The following RNGTT variants were observed in gnomAD, a reference collection of about 807,000 sequenced individuals.
The protein encoded by RNGTT is mRNA-capping enzyme.
RNGTT carries 33 observed loss-of-function variants against 79.3 expected under a neutral mutation model. That is an observed-to-expected ratio of 0.42 (90% confidence interval 0.32 to 0.56). RNGTT has a LOEUF of 0.56. Among genes scored for constraint, RNGTT ranks in the 20% least tolerant of loss-of-function variants. RNGTT has a pLI of 0.17. For missense variants in RNGTT, 497 were observed against 739.1 expected, an observed-to-expected ratio of 0.67 and a Z score of 3.80; for synonymous variants, 222 against 235.9, an observed-to-expected ratio of 0.94 and a Z score of 0.54.
chr6:88,627,662 T>C (rs934069289), intron 14 of RNGTT, among the ~76,000 whole-genome samples: 2 of 152,126 alleles, frequency 1.3e-5, no homozygotes, highest in Admixed American at 6.6e-5. Flanking sequence ...GTTGAGGTTT[T>C]CTCCTTTTAA....
intron 8 of RNGTT, among the ~76,000 whole-genome samples, chr6:88,866,092 C>G (rs1208323541): frequency 1.3e-5 from 2 of 152,102 alleles, no homozygotes; most frequent in Non-Finnish European, 2.9e-5. Flanking sequence ...AGCAAATTAT[C>G]AAAGCATATC....
chr6:88,885,115 T>C (rs547116012), intron 8 of RNGTT, among the ~76,000 whole-genome samples: 42 of 149,990 alleles, frequency 2.8e-4, no homozygotes, highest in African/African-American at 9.4e-4. Flanking sequence ...TTTATGTATA[T>C]ACTCACACAC....
At chr6:88,883,109 C>T in intron 8 of RNGTT, among the ~76,000 whole-genome samples, 1 of 147,998 alleles carries the variant, frequency 6.8e-6, no homozygotes. Flanking sequence ...ATAGCTAGTA[C>T]CACTCAGGTA....
At chr6:88,783,683 A>G (rs1348895089) in intron 12 of RNGTT, among the ~76,000 whole-genome samples, 4 of 152,192 alleles carry the variant, frequency 2.6e-5, no homozygotes, top group Admixed American at 6.5e-5. Context: ...AAAGAAATCC[A>G]CAGTCTAAAG....
chr6:88,649,884 G>C (rs1267238661), intron 14 of RNGTT, among the ~76,000 whole-genome samples: 1 of 152,136 alleles, frequency 6.6e-6, no homozygotes, highest in East Asian at 1.9e-4. Flanking sequence ...GGAGAGACCA[G>C]GCCTCAAGGA....
intron 2 of RNGTT, among the ~76,000 whole-genome samples, chr6:88,933,220 G>A (rs1475671841): frequency 6.6e-6 from 1 of 152,098 alleles, no homozygotes; most frequent in African/African-American, 2.4e-5. Context: ...AGGGTATCTG[G>A]AGTATCCATC....
intron 12 of RNGTT, among the ~76,000 whole-genome samples, chr6:88,783,289 C>T (rs907904197): frequency 4.6e-5 from 7 of 151,968 alleles, no homozygotes; most frequent in Admixed American, 1.3e-4. Context: ...CAAAAATAAG[C>T]CAGAAAGAGA....
intron 2 of RNGTT, among the ~76,000 whole-genome samples, chr6:88,930,002 ATACATATG>A (rs1272189183): frequency 6.7e-6 from 1 of 149,042 alleles, no homozygotes; most frequent in Non-Finnish European, 1.5e-5. Flanking sequence ...GTATACATAT[ATACATATG>A]CATATGTATA....
chr6:88,938,545 A>T (rs765968668), intron 2 of RNGTT, among the ~76,000 whole-genome samples: 26 of 152,198 alleles, frequency 1.7e-4, no homozygotes, highest in Non-Finnish European at 3.5e-4. Context: ...TATTATTAAT[A>T]TGTGAAGGCT....
At chr6:88,884,114 C>A (rs1402765376) in intron 8 of RNGTT, among the ~76,000 whole-genome samples, 1 of 152,106 alleles carries the variant, frequency 6.6e-6, no homozygotes, top group African/African-American at 2.4e-5. Flanking sequence ...TCATATACAC[C>A]CAGCCTTCAA....
intron 13 of RNGTT, among the ~76,000 whole-genome samples, chr6:88,678,879 G>A (rs565047791): frequency 6.6e-6 from 1 of 152,076 alleles, no homozygotes; most frequent in South Asian, 2.1e-4. Context: ...AATTACAGAG[G>A]GCCCTTGAAT....
chr6:88,844,910 A>C (rs571634054), intron 10 of RNGTT, among the ~76,000 whole-genome samples: 91 of 152,290 alleles, frequency 6.0e-4, no homozygotes, highest in Non-Finnish European at 9.6e-4. Context: ...CAACAGAGCA[A>C]GACCACCACT....
intron 13 of RNGTT, among the ~76,000 whole-genome samples, chr6:88,740,458 G>A (rs1440532581): frequency 6.6e-6 from 1 of 152,022 alleles, no homozygotes; most frequent in Non-Finnish European, 1.5e-5. Context: ...GGTCAAGGCT[G>A]CAGTGAGCTG....
intron 11 of RNGTT, among the ~76,000 whole-genome samples, chr6:88,839,473 G>C (rs1781192406): frequency 1.3e-5 from 2 of 152,084 alleles, no homozygotes; most frequent in Admixed American, 1.3e-4. Flanking sequence ...AGGAGGCTGA[G>C]TTGGGAGGAT....
chr6:88,626,963 T>C (rs1425583231), intron 14 of RNGTT, among the ~76,000 whole-genome samples: 1 of 152,060 alleles, frequency 6.6e-6, no homozygotes, highest in Non-Finnish European at 1.5e-5. Flanking sequence ...ATGAGAATTA[T>C]AAGCAGATCA....
chr6:88,942,326 A>C (rs942983833), intron 1 of RNGTT, among the ~76,000 whole-genome samples: 20 of 152,214 alleles, frequency 1.3e-4, no homozygotes, highest in Admixed American at 8.5e-4. Flanking sequence ...AGCATAGAGG[A>C]AGTCACCTCT....
rs1394397585 is a variant in RNGTT at position 88,963,541 on chromosome 6, C to T, written c.-132G>A. 1 of 810,302 alleles carries T rather than the reference C, an allele frequency of 1.2e-6. No homozygotes were observed. The highest frequency in any genetic ancestry group is 3.6e-5 in the Admixed American group (1 of 27,854). The allele number at this position is 810,302 out of a possible 1,614,324, so 50.2% of individuals were successfully genotyped here. A position where few individuals can be genotyped will look rare whatever the true frequency, so the allele number is the denominator to read the frequency against. ...AGCCGTAATCTGAATTCCAACCTCT[C>T]CGATCCGGGTAACGTCAGGGGCGGC... On this transcript the variant is annotated 5_prime_UTR_variant, in exon 1 of 16. Transcript: ENST00000369485.
intron 12 of RNGTT, among the ~76,000 whole-genome samples, chr6:88,783,327 G>T (rs570085623): frequency 5.3e-4 from 80 of 152,192 alleles, no homozygotes; most frequent in Non-Finnish European, 9.0e-4. Flanking sequence ...CTTATACATG[G>T]AATCTCAATT....
chr6:88,945,569 T>G lies in RNGTT; in HGVS notation c.65-4389A>C, dbSNP rs1784981685. Among the ~76,000 whole-genome samples the G allele has an allele frequency of 2.6e-5, 4 of 152,182 alleles. No homozygotes were observed. In the South Asian group the frequency reaches 8.3e-4, roughly 32 times the overall value. ...CTTTAACCAACGTCTAAATGTCAGG[T>G]TTCTATGGGTTCCACTGTGGACCTT... On this transcript the variant is annotated intron_variant, in intron 1 of 15. Transcript: ENST00000369485.
Sources: gnomAD v4.1 joint callset for allele counts (sites outside exome capture counted in the v4.1 genomes callset) on GRCh38, gnomAD v4.1.1 for gene constraint, MANE v1.5 for transcripts, NCBI Gene and HGNC (gene_info 2026-07-23, HGNC 2026-07-21) for gene names.